KCNMB2: variants seen among roughly 807,000 people sequenced by gnomAD.
KCNMB2 encodes the protein potassium calcium-activated channel subfamily M regulatory beta subunit 2.
Under a neutral mutation model 24.5 loss-of-function variants are expected in KCNMB2, and 9 were observed. The ratio of observed to expected loss-of-function variants is 0.37; its 90% CI spans 0.22 to 0.64. The LOEUF (loss-of-function observed/expected upper bound fraction) is 0.64. Ranked by LOEUF, KCNMB2 falls within the 30% of genes least tolerant of loss-of-function variation. KCNMB2 has a pLI of 0.63. For synonymous variants in KCNMB2, 109 were observed against 104.4 expected (o/e 1.04, Z -0.27); for missense variants, 226 against 284.3 (o/e 0.79, Z 1.47).
chr3:178,761,271 T>C (rs551835081), intron 1 of KCNMB2, among the ~76,000 whole-genome samples: 3 of 152,218 alleles, frequency 2.0e-5, no homozygotes, highest in Admixed American at 2.0e-4. Flanking sequence ...GGCAGTTTCC[T>C]GTGGTGCCAG....
intron 1 of KCNMB2, among the ~76,000 whole-genome samples, chr3:178,666,137 G>A (rs1464150861): frequency 6.6e-6 from 1 of 152,052 alleles, no homozygotes; most frequent in Non-Finnish European, 1.5e-5. Flanking sequence ...CTTAAAACAT[G>A]GTTTGTGAAC....
chr3:178,605,342 G>GC (rs1236621769), intron 1 of KCNMB2, among the ~76,000 whole-genome samples: 16 of 152,256 alleles, frequency 1.1e-4, no homozygotes, highest in Non-Finnish European at 1.9e-4. Context: ...ATAAATTTCT[G>GC]TTGTTTATAA....
At chr3:178,706,864 G>A (rs997126250) in intron 1 of KCNMB2, among the ~76,000 whole-genome samples, 2 of 152,076 alleles carry the variant, frequency 1.3e-5, no homozygotes, top group African/African-American at 4.8e-5. Context: ...AACACAAAAC[G>A]CAGCCATCAG....
chr3:178,777,641 A>G (rs779307135), intron 1 of KCNMB2, among the ~76,000 whole-genome samples: 10 of 152,182 alleles, frequency 6.6e-5, no homozygotes, highest in Non-Finnish European at 1.3e-4. Flanking sequence ...CCCCTCCACT[A>G]AAGGTGTTTA....
At chr3:178,662,875 C>T (rs1577080703) in intron 1 of KCNMB2, among the ~76,000 whole-genome samples, 1 of 152,024 alleles carries the variant, frequency 6.6e-6, no homozygotes, top group African/African-American at 2.4e-5. Context: ...ATAAAACAGG[C>T]CTAAGAGAAG....
intron 1 of KCNMB2, among the ~76,000 whole-genome samples, chr3:178,596,361 TAGAA>T (rs1239620715): frequency 2.6e-5 from 4 of 152,156 alleles, no homozygotes; most frequent in Admixed American, 2.6e-4. Flanking sequence ...ACAATCATAT[TAGAA>T]AGGCATTATT....
rs570411130 is a variant in KCNMB2, at chr3:178,597,375, T to C, written c.-68+60664T>C. 7.9e-5 allele frequency among the ~76,000 whole-genome samples: 12 copies of C among 152,250 alleles called. 1 individual carries two copies. The highest frequency in any genetic ancestry group is 2.9e-4 in the African/African-American group (12 of 41,524). ...AAGTTTATTTCGGATATCATCATTA[T>C]GAAGGAGAAAGTGACCCATAGGACA... On this transcript the variant is annotated intron_variant, in intron 1 of 4. Transcript: ENST00000452583.
intron 1 of KCNMB2, among the ~76,000 whole-genome samples, chr3:178,664,468 A>G (rs541784238): frequency 1.8e-4 from 28 of 152,114 alleles, no homozygotes; most frequent in African/African-American, 6.7e-4. Flanking sequence ...TTGCTACACT[A>G]TTATATACTT....
chr3:178,592,714 T>G (rs1343761489), intron 1 of KCNMB2, among the ~76,000 whole-genome samples: 1 of 152,116 alleles, frequency 6.6e-6, no homozygotes, highest in African/African-American at 2.4e-5. Flanking sequence ...TGCGCCTGCT[T>G]ATTTTGTTTT....
chr3:178,761,308 T>A (rs1711866115), intron 1 of KCNMB2, among the ~76,000 whole-genome samples: 1 of 152,166 alleles, frequency 6.6e-6, no homozygotes, highest in South Asian at 2.1e-4. Context: ...TGCATTCTTC[T>A]CAGGTCATCA....
chr3:178,736,049 C>T (rs936217428), intron 1 of KCNMB2, among the ~76,000 whole-genome samples: 3 of 152,112 alleles, frequency 2.0e-5, no homozygotes, highest in African/African-American at 7.2e-5. Flanking sequence ...CATAACATAC[C>T]TGACGCTCAG....
chr3:178,536,979 A>C (rs1715431451), intron 1 of KCNMB2, among the ~76,000 whole-genome samples: 1 of 152,196 alleles, frequency 6.6e-6, no homozygotes, highest in South Asian at 2.1e-4. Flanking sequence ...TAGAATGCTT[A>C]GAGGTCACGA....
At chr3:178,838,591 G>T (rs975383221) in intron 4 of KCNMB2, among the ~76,000 whole-genome samples, 2 of 150,194 alleles carry the variant, frequency 1.3e-5, no homozygotes, top group African/African-American at 2.5e-5. Flanking sequence ...AAAAAGCAAG[G>T]TGCCTGTGTG....
At chr3:178,813,974 TTGTTGTTGTTGC>T (rs779507279) in intron 2 of KCNMB2, among the ~76,000 whole-genome samples, 18 of 147,166 alleles carry the variant, frequency 1.2e-4, no homozygotes, top group Admixed American at 2.0e-4. Context: ...GTTGTTGTTG[TTGTTGTTGTTGC>T]TGCTGCTGCT....
chr3:178,695,605 A>G (rs1385989068), intron 1 of KCNMB2, among the ~76,000 whole-genome samples: 1 of 152,110 alleles, frequency 6.6e-6, no homozygotes, highest in Non-Finnish European at 1.5e-5. Flanking sequence ...TAAAAAATCC[A>G]CCAGTCTCTT....
intron 1 of KCNMB2, among the ~76,000 whole-genome samples, chr3:178,744,866 A>C (rs1723612526): frequency 6.6e-6 from 1 of 152,280 alleles, no homozygotes; most frequent in African/African-American, 2.4e-5. Flanking sequence ...CCTGCTCTAC[A>C]TTCTTCTTGC....
chr3:178,666,611 C>G (rs905997149), intron 1 of KCNMB2, among the ~76,000 whole-genome samples: 4 of 152,112 alleles, frequency 2.6e-5, no homozygotes, highest in Non-Finnish European at 5.9e-5. Context: ...AGAGGGAAAG[C>G]TTGCATGTTG....
intron 2 of KCNMB2, among the ~76,000 whole-genome samples, chr3:178,810,416 T>C (rs1303755066): frequency 6.6e-6 from 1 of 152,130 alleles, no homozygotes; most frequent in Non-Finnish European, 1.5e-5. Context: ...AATGTGTCAG[T>C]ATATCGGATT....
At chr3:178,763,323 G>A (rs1025748367) in intron 1 of KCNMB2, among the ~76,000 whole-genome samples, 2 of 152,116 alleles carry the variant, frequency 1.3e-5, no homozygotes, top group Non-Finnish European at 2.9e-5. Context: ...TACAGGAGCA[G>A]AAAAGATAGC....
Sources: gnomAD v4.1 joint callset for allele counts (sites outside exome capture counted in the v4.1 genomes callset) on GRCh38, gnomAD v4.1.1 for gene constraint, MANE v1.5 for transcripts, NCBI Gene and HGNC (gene_info 2026-07-23, HGNC 2026-07-21) for gene names.